Variants in COL4A1 observed in about 807,000 individuals in gnomAD.
COL4A1 encodes collagen type IV alpha 1 chain.
A neutral mutation model predicts 216.6 loss-of-function variants in COL4A1; 40 were observed. The observed-to-expected ratio is 0.18, with a 90% CI of 0.14 to 0.24. The LOEUF is 0.24. Among genes scored for constraint, COL4A1 ranks in the 10% least tolerant of loss-of-function variants. The probability of loss-of-function intolerance (pLI) is 1.00; values close to 1 mark genes in which losing one functional copy is unlikely to be tolerated. For synonymous variants in COL4A1, 839 were observed against 810.7 expected (o/e 1.03, Z -0.59); for missense variants, 1,628 against 2,196.8 (o/e 0.74, Z 5.18).
chr13:110,186,575 G>T (rs1018939802), intron 25 of COL4A1, 22 bp from the exon 26 acceptor site: 3 of 1,613,492 alleles, frequency 1.9e-6, no homozygotes, highest in African/African-American at 1.3e-5. Context: ...AGAAGAAAAA[G>T]ACACCGTTAT....
At chr13:110,217,856 T>A (rs1474808647) in intron 2 of COL4A1, among the ~76,000 whole-genome samples, 1 of 152,202 alleles carries the variant, frequency 6.6e-6, no homozygotes, top group Non-Finnish European at 1.5e-5. Flanking sequence ...GAAATAGGGT[T>A]TCATGCATGG....
At position 110,179,051 on chromosome 13, in the gene COL4A1, T is replaced by C. The variant is rs752641076; in HGVS notation, c.2345-15A>G. ...TCCCGGTTCACCTGGAGAAGAAAAATTGAGAGTAAGCTGTACAGGAGCAGT... is the reference window on the plus strand; with the variant it reads ...TCCCGGTTCACCTGGAGAAGAAAAACTGAGAGTAAGCTGTACAGGAGCAGT... On this transcript the variant is annotated splice_polypyrimidine_tract_variant and intron_variant, in intron 30 of 51. Coordinates refer to ENST00000375820, the MANE Select transcript of COL4A1 (RefSeq NM_001845.6). 6.9e-6 allele frequency: 11 copies of C among 1,603,314 alleles called. No individual in the cohort carries two copies. The highest frequency in any genetic ancestry group is 4.5e-5 in the East Asian group (2 of 44,598).
intron 2 of COL4A1, among the ~76,000 whole-genome samples, chr13:110,232,526 TAA>T (rs56870698): frequency 2.9e-3 from 445 of 152,362 alleles, no homozygotes; most frequent in African/African-American, 0.01. Context: ...TGTTTTATGT[TAA>T]GTCTTTGATC....
intron 30 of COL4A1, 104 bp downstream of exon 30, chr13:110,179,167 C>T (rs73609595): frequency 1.7e-5 from 27 of 1,569,132 alleles, no homozygotes; most frequent in Non-Finnish European, 2.2e-5. Context: ...TTGCATCGTT[C>T]GTTCAACAAA....
chr13:110,183,437 G>C (rs1233754470), intron 26 of COL4A1, among the ~76,000 whole-genome samples, 161 bp from the exon 27 acceptor site: 1 of 152,214 alleles, frequency 6.6e-6, no homozygotes, highest in Non-Finnish European at 1.5e-5. Flanking sequence ...TTCCCTTGGT[G>C]TTTCTAGGAT....
At chr13:110,235,355 TAAAAG>T (rs1383103270) in intron 2 of COL4A1, among the ~76,000 whole-genome samples, 2 of 151,950 alleles carry the variant, frequency 1.3e-5, no homozygotes, top group Non-Finnish European at 2.9e-5. Context: ...AAAACAGCAA[TAAAAG>T]AAAGAAGATG....
chr13:110,187,044 A>G, intron 25 of COL4A1, 94 bp downstream of exon 25: 1 of 1,474,186 alleles, frequency 6.8e-7, no homozygotes, highest in South Asian at 1.1e-5. Context: ...TCAAGGAGAT[A>G]GAAATACATC....
At chr13:110,258,926 T>C (rs1882690996) in intron 1 of COL4A1, among the ~76,000 whole-genome samples, 1 of 152,356 alleles carries the variant, frequency 6.6e-6, no homozygotes, top group East Asian at 1.9e-4. Context: ...ATGATAGATA[T>C]ATGCAGCCTT....
At chr13:110,154,181 G>A (rs1392327197) in intron 50 of COL4A1, among the ~76,000 whole-genome samples, 1 of 152,244 alleles carries the variant, frequency 6.6e-6, no homozygotes, top group Non-Finnish European at 1.5e-5. Context: ...TGGTGCAGAT[G>A]TATGTGTAGG....
chr13:110,243,626 C>T (rs73613439), intron 1 of COL4A1, among the ~76,000 whole-genome samples: 7,702 of 152,248 alleles, frequency 0.051, 570 homozygotes, highest in African/African-American at 0.17. Flanking sequence ...GCCTGTAGTT[C>T]ACTTCTAACA....
Position 110,208,847 on chromosome 13 carries a change from A to G in COL4A1, c.693+2T>C. The G allele has an allele frequency of 6.2e-7, 1 of 1,614,158 alleles. No homozygotes were observed. The highest frequency in any genetic ancestry group is 1.1e-5 in the South Asian group (1 of 91,084). Reference sequence around the variant, plus strand: ...AAGCACTCCAGAGCAATATGCACTCACCTTGTCACCTTTTGGTCCTTGAAA... The same window carrying G: ...AAGCACTCCAGAGCAATATGCACTCGCCTTGTCACCTTTTGGTCCTTGAAA... On this transcript the variant is annotated splice_donor_variant, in intron 12 of 51. Transcript: ENST00000375820. LOFTEE classifies it high-confidence loss of function.
chr13:110,160,270 G>A (rs1305223460), intron 49 of COL4A1, among the ~76,000 whole-genome samples: 2 of 141,634 alleles, frequency 1.4e-5, no homozygotes, highest in Non-Finnish European at 1.5e-5. Flanking sequence ...GTGAAACCCC[G>A]TCTCTACTAA....
intron 6 of COL4A1, 96 bp from the exon 7 acceptor site, chr13:110,212,018 T>C (rs888973968): frequency 5.5e-6 from 7 of 1,262,890 alleles, no homozygotes; most frequent in African/African-American, 4.4e-5. Context: ...CCTTCATTTG[T>C]TGGTTAAAAT....
chr13:110,285,069 G>A (rs1335131458), intron 1 of COL4A1, among the ~76,000 whole-genome samples: 1 of 152,206 alleles, frequency 6.6e-6, no homozygotes, highest in Admixed American at 6.5e-5. Context: ...GAGGCTTTCA[G>A]GGAAAGAACA....
At chr13:110,226,732 T>C (rs1439774554) in intron 2 of COL4A1, among the ~76,000 whole-genome samples, 1 of 152,246 alleles carries the variant, frequency 6.6e-6, no homozygotes, top group Non-Finnish European at 1.5e-5. Context: ...AATTTTAATC[T>C]CTTTTAAGTA....
chr13:110,166,910 G>A (rs866736147), intron 44 of COL4A1, among the ~76,000 whole-genome samples: 11 of 152,178 alleles, frequency 7.2e-5, no homozygotes, highest in Admixed American at 2.0e-4. Context: ...CCAAATCCAT[G>A]ACTTCTTATT....
intron 28 of COL4A1, 80 bp from the exon 29 acceptor site, chr13:110,181,469 A>C (rs1878151036): frequency 7.3e-7 from 1 of 1,371,778 alleles, no homozygotes; most frequent in Non-Finnish European, 1.0e-6. Flanking sequence ...CTTCACTTTT[A>C]GTCTTGCCCA....
chr13:110,302,525 G>A (rs1029324308), intron 1 of COL4A1, among the ~76,000 whole-genome samples: 1 of 152,188 alleles, frequency 6.6e-6, no homozygotes, highest in Non-Finnish European at 1.5e-5. Flanking sequence ...GGCATGGGAA[G>A]AGGAAGAAGA....
chr13:110,185,078 G>A (rs935449760), intron 26 of COL4A1, among the ~76,000 whole-genome samples: 4 of 152,198 alleles, frequency 2.6e-5, no homozygotes, highest in African/African-American at 2.4e-5. Flanking sequence ...GAGCCAGAAC[G>A]GCATGCTGTA....
Sources: allele counts gnomAD v4.1 joint callset (sites outside exome capture counted in the v4.1 genomes callset), GRCh38; gene constraint gnomAD v4.1.1; transcripts MANE v1.5; gene names NCBI Gene and HGNC (gene_info 2026-07-23, HGNC 2026-07-21).